The following PIBF1 variants were observed in gnomAD, a reference collection of about 807,000 sequenced individuals.
PIBF1 encodes progesterone-induced-blocking factor 1.
A neutral mutation model predicts 112.5 loss-of-function variants in PIBF1; 90 were observed. The ratio of observed to expected loss-of-function variants is 0.80; its 90% CI spans 0.67 to 0.95. The LOEUF (loss-of-function observed/expected upper bound fraction) is 0.95, where lower values mean the gene tolerates loss of function less well. PIBF1 is among the 40% of genes least tolerant of loss of function. PIBF1 has a pLI of 0.00. For missense variants in PIBF1, 915 were observed against 852.3 expected, an observed-to-expected ratio of 1.07 and a Z score of -0.92; for synonymous variants, 301 against 288.6, an observed-to-expected ratio of 1.04 and a Z score of -0.44.
At chr13:72,789,979 G>A (rs2034813241) in intron 2 of PIBF1, among the ~76,000 whole-genome samples, 1 of 152,182 alleles carries the variant, frequency 6.6e-6, no homozygotes, top group African/African-American at 2.4e-5. Flanking sequence ...TTTATTTATT[G>A]AGATGTTGCT....
At chr13:72,812,040 G>A (rs1328593823) in intron 5 of PIBF1, among the ~76,000 whole-genome samples, 1 of 152,040 alleles carries the variant, frequency 6.6e-6, no homozygotes, top group Non-Finnish European at 1.5e-5. Flanking sequence ...TAAATTTTAG[G>A]GGCAAGTTTT....
In PIBF1 at chr13:72,854,122, A is replaced by G; in HGVS notation, c.1289A>G (p.Asp430Gly). 1 of 1,613,012 alleles carries G rather than the reference A, an allele frequency of 6.2e-7. No homozygotes were observed. The highest frequency in any genetic ancestry group is 8.5e-7 in the Non-Finnish European group (1 of 1,179,012). ...GAACGAGCAGTGATGGCTGAAAAGG[A>G]TGCTTTAGAAAAACACGATCAGCTC... Reference protein sequence around the residue: ...EKERAVMAEKDALEKHDQLLD... With the variant: ...EKERAVMAEKGALEKHDQLLD... The change falls in exon 10 of 18, where the codon GAT (aspartate) becomes GGT (glycine). Residue 430 changes from aspartate (D) to glycine (G), a missense_variant. By Grantham distance (94) the Asp-to-Gly change is moderately conservative. Transcript: ENST00000326291.
At chr13:72,925,841 C>T (rs2041466968) in intron 13 of PIBF1, among the ~76,000 whole-genome samples, 1 of 152,046 alleles carries the variant, frequency 6.6e-6, no homozygotes, top group Non-Finnish European at 1.5e-5. Flanking sequence ...CGCACCCGGC[C>T]CTGTTTTTCT....
At chr13:72,844,762 C>CGGATGAAGTCTTACTGTTT (rs375548034) in intron 9 of PIBF1, among the ~76,000 whole-genome samples, 148 of 125,882 alleles carry the variant, frequency 1.2e-3, no homozygotes, top group Middle Eastern at 4.0e-3. Flanking sequence ...CACACACACA[C>CGGATGAAGTCTTACTGTTT]ACACACACAC....
chr13:72,861,757 G>T (rs902597992), intron 10 of PIBF1, among the ~76,000 whole-genome samples: 3 of 152,046 alleles, frequency 2.0e-5, no homozygotes, highest in Non-Finnish European at 4.4e-5. Context: ...GTAGGTATGG[G>T]GTTTCGCCAT....
intron 17 of PIBF1, among the ~76,000 whole-genome samples, chr13:73,007,082 G>A (rs2044053686): frequency 6.6e-6 from 1 of 151,248 alleles, no homozygotes; most frequent in Admixed American, 6.6e-5. Flanking sequence ...TTCATATTAT[G>A]AAGCCTATAA....
chr13:72,964,302 G>T (rs1256336219), intron 14 of PIBF1, among the ~76,000 whole-genome samples: 1 of 152,170 alleles, frequency 6.6e-6, no homozygotes, highest in Non-Finnish European at 1.5e-5. Flanking sequence ...GAGACAGAAA[G>T]TAAGATACAG....
intron 2 of PIBF1, among the ~76,000 whole-genome samples, chr13:72,786,296 G>A (rs560484506): frequency 6.6e-6 from 1 of 152,248 alleles, no homozygotes; most frequent in Non-Finnish European, 1.5e-5. Flanking sequence ...TCCTGAGTTT[G>A]ACACATAATC....
intron 11 of PIBF1, among the ~76,000 whole-genome samples, chr13:72,905,945 A>G (rs1252413431): frequency 1.3e-5 from 2 of 152,228 alleles, no homozygotes; most frequent in Non-Finnish European, 2.9e-5. Context: ...GAGAAAGCAG[A>G]GAGATTATTC....
At chr13:72,938,227 C>T (rs1024508859) in intron 14 of PIBF1, among the ~76,000 whole-genome samples, 7 of 151,968 alleles carry the variant, frequency 4.6e-5, no homozygotes, top group Non-Finnish European at 8.8e-5. Context: ...CCATTTTAAC[C>T]ATTTTAAAGT....
intron 14 of PIBF1, among the ~76,000 whole-genome samples, chr13:72,964,608 T>A (rs2042691854): frequency 6.6e-6 from 1 of 152,222 alleles, no homozygotes; most frequent in Non-Finnish European, 1.5e-5. Context: ...ATGGTGTGAA[T>A]ATTTTTAGTA....
rs1441695584 is a variant in PIBF1 at position 72,793,426 on chromosome 13, G to C, written c.353+879G>C. 2.6e-5 allele frequency among the ~76,000 whole-genome samples: 4 copies of C among 152,286 alleles called. No individual in the cohort carries two copies. The East Asian group carries it at 7.7e-4, about 29-fold the overall frequency. On this transcript the variant is annotated intron_variant, in intron 3 of 17. Transcript: ENST00000326291. Reference sequence around the variant, plus strand: ...TGTATCAGGAACAGTTGAAGGGCTTGTTAAAGAAGCCTACTGGATCCCACC... The same window carrying C: ...TGTATCAGGAACAGTTGAAGGGCTTCTTAAAGAAGCCTACTGGATCCCACC...
intron 10 of PIBF1, among the ~76,000 whole-genome samples, chr13:72,874,274 C>G (rs2039298476): frequency 1.3e-5 from 2 of 152,220 alleles, no homozygotes; most frequent in South Asian, 4.1e-4. Flanking sequence ...AAATGAAAAA[C>G]CTATATACAT....
intron 9 of PIBF1, among the ~76,000 whole-genome samples, chr13:72,848,084 T>C (rs757919227): frequency 2.6e-5 from 4 of 152,246 alleles, no homozygotes; most frequent in Non-Finnish European, 4.4e-5. Flanking sequence ...TTGCGCCTGC[T>C]GAGCTCTTCT....
chr13:73,008,263 C>T (rs770856598), intron 17 of PIBF1, among the ~76,000 whole-genome samples: 2 of 152,150 alleles, frequency 1.3e-5, no homozygotes, highest in Non-Finnish European at 2.9e-5. Context: ...ATGCTGTTTC[C>T]ATGCCTTACT....
intron 2 of PIBF1, among the ~76,000 whole-genome samples, chr13:72,791,269 T>G (rs2034914496): frequency 6.6e-6 from 1 of 152,124 alleles, no homozygotes; most frequent in Admixed American, 6.5e-5. Flanking sequence ...TTAGCCAGTA[T>G]GGTCTCCATC....
At chr13:72,974,722 C>A (rs564160407) in intron 16 of PIBF1, among the ~76,000 whole-genome samples, 2 of 152,248 alleles carry the variant, frequency 1.3e-5, no homozygotes, top group African/African-American at 4.8e-5. Flanking sequence ...TGAGTTGTTT[C>A]CATTTGAGGA....
At position 72,786,985 on chromosome 13, in the gene PIBF1, A is replaced by G. The variant is rs2034632986; in HGVS notation, c.252+3264A>G. On this transcript the variant is annotated intron_variant, in intron 2 of 17. Coordinates refer to ENST00000326291, the MANE Select transcript of PIBF1 (RefSeq NM_006346.4). ...AATTGTTAAGTGCCTTAGATTGTAA[A>G]ATGCATTCCAATTTTAGAGATGTTA... Among the ~76,000 whole-genome samples, 3 of 152,210 alleles carry G rather than the reference A, an allele frequency of 2.0e-5. No individual in the cohort carries two copies. The South Asian group carries it at 6.2e-4, about 32-fold the overall frequency.
At chr13:72,993,687 A>C (rs972193795) in intron 16 of PIBF1, among the ~76,000 whole-genome samples, 13 of 149,066 alleles carry the variant, frequency 8.7e-5, no homozygotes, top group African/African-American at 3.0e-4. Flanking sequence ...CAGAGCTTGC[A>C]GTGAGCCAAG....
Sources: gnomAD v4.1 joint callset for allele counts (sites outside exome capture counted in the v4.1 genomes callset) on GRCh38, gnomAD v4.1.1 for gene constraint, MANE v1.5 for transcripts, NCBI Gene and HGNC (gene_info 2026-07-23, HGNC 2026-07-21) for gene names.